Variants in LRRK2 observed in about 807,000 individuals in gnomAD.
The protein encoded by LRRK2 is leucine-rich repeat serine/threonine-protein kinase 2.
A neutral mutation model predicts 302.6 loss-of-function variants in LRRK2; 203 were observed. That is an observed-to-expected ratio of 0.67 (90% confidence interval 0.60 to 0.75). The LOEUF (loss-of-function observed/expected upper bound fraction) is 0.75, where lower values mean the gene tolerates loss of function less well. Among genes scored for constraint, LRRK2 ranks in the 30% least tolerant of loss-of-function variants. LRRK2 has a pLI of 0.00. For synonymous variants in LRRK2, 1,066 were observed against 1,031.9 expected, an observed-to-expected ratio of 1.03 and a Z score of -0.63; for missense variants, 2,830 against 2,951.0, an observed-to-expected ratio of 0.96 and a Z score of 0.95.
chr12:40,290,621 A>G (rs1944107699), intron 20 of LRRK2, among the ~76,000 whole-genome samples: 1 of 152,044 alleles, frequency 6.6e-6, no homozygotes, highest in Non-Finnish European at 1.5e-5. Flanking sequence ...AGTTTTAGTA[A>G]TGTGTAACTT....
At chr12:40,353,489 A>G (rs1300198176) in intron 44 of LRRK2, among the ~76,000 whole-genome samples, 2 of 120,082 alleles carry the variant, frequency 1.7e-5, no homozygotes, top group African/African-American at 3.0e-5. Flanking sequence ...GGCGCTCCTC[A>G]TTTCCCAGAC....
At position 40,295,444 on chromosome 12, in the gene LRRK2, T is replaced by A. The variant is rs1280692669; in HGVS notation, c.2896T>A (p.Ser966Thr). 1 of 1,613,056 alleles carries A rather than the reference T, an allele frequency of 6.2e-7. No homozygotes were observed. The highest frequency in any genetic ancestry group is 1.1e-5 in the South Asian group (1 of 91,082). Residue 966 changes from serine (S) to threonine (T), a missense_variant, in exon 23 of 51, where the codon TCC becomes ACC. Coordinates refer to ENST00000298910, the MANE Select transcript of LRRK2 (RefSeq NM_198578.4). ...DDSLRSSKLQ[S>T]HMRHSDSISS... ...GACAAAAGGGTCATCAAAACTTCAA[T>A]CCCATATGAGGCATTCAGACAGCAT...
intron 39 of LRRK2, among the ~76,000 whole-genome samples, 195 bp from the exon 40 acceptor site, chr12:40,334,772 G>T (rs1294061699): frequency 6.6e-6 from 1 of 152,178 alleles, no homozygotes; most frequent in South Asian, 2.1e-4. Context: ...TTGTCCATAG[G>T]TCAACTGTAG....
At chr12:40,354,554 C>A (rs1409324989) in intron 45 of LRRK2, 62 bp downstream of exon 45, 2 of 1,430,962 alleles carry the variant, frequency 1.4e-6, no homozygotes, top group Admixed American at 3.4e-5. Flanking sequence ...GAATTGTGTG[C>A]ATAATTGTTA....
Position 40,282,402 on chromosome 12 carries a change from C to T in LRRK2, c.2242-1473C>T, listed in dbSNP as rs573849695. 2.6e-5 allele frequency among the ~76,000 whole-genome samples: 4 copies of T among 152,168 alleles called. No homozygotes were observed. In the South Asian group the frequency reaches 8.3e-4, roughly 32 times the overall value. On this transcript the variant is annotated intron_variant, in intron 18 of 50. Coordinates refer to ENST00000298910, the MANE Select transcript of LRRK2 (RefSeq NM_198578.4). ...GGGTATGTATGTTTGCTCAGTGCTA[C>T]ATTAAATGAAATGGATGGGAGCCGG...
At position 40,264,016 on chromosome 12, in the gene LRRK2, G is replaced by C; in HGVS notation, c.1656+115G>C. ...TGTTCTCCGTTTGCTATGATAGGAG[G>C]AAGTCATGTGGTTAGAGACATAAGA... is the stretch of plus-strand genomic sequence containing the variant. On this transcript the variant is annotated intron_variant, in intron 14 of 50. Coordinates refer to ENST00000298910, the MANE Select transcript of LRRK2 (RefSeq NM_198578.4). The C allele has an allele frequency of 1.1e-5, 8 of 732,282 alleles. No individual in the cohort carries two copies. In the South Asian group the frequency reaches 1.3e-4, roughly 12 times the overall value. 45.4% of individuals were successfully genotyped at this position (732,282 alleles called of 1,614,324 possible).
chr12:40,227,392 ATTAAC>A (rs532826201), intron 2 of LRRK2, among the ~76,000 whole-genome samples: 73 of 152,190 alleles, frequency 4.8e-4, no homozygotes, highest in Non-Finnish European at 1.0e-3. Context: ...ACTATTAAAT[ATTAAC>A]TTAATTGCTT....
chr12:40,259,636 A>G, intron 13 of LRRK2, 32 bp downstream of exon 13: 1 of 1,611,612 alleles, frequency 6.2e-7, no homozygotes, highest in African/African-American at 1.3e-5. Context: ...GGGAAGAGAT[A>G]ACAATTTAAA....
Position 40,323,326 on chromosome 12 carries a change from T to C in LRRK2, c.5656+20T>C. Reference sequence around the variant, plus strand: ...TCCTAGGTAATTCTTTTTGTTAATTTGAGAATAAAAATTAGGATGTAATTT... The same window carrying C: ...TCCTAGGTAATTCTTTTTGTTAATTCGAGAATAAAAATTAGGATGTAATTT... On this transcript the variant is annotated intron_variant, in intron 38 of 50. Coordinates refer to ENST00000298910, the MANE Select transcript of LRRK2 (RefSeq NM_198578.4). 6.3e-7 allele frequency: 1 copy of C among 1,595,850 alleles called. No individual in the cohort carries two copies. The highest frequency in any genetic ancestry group is 1.7e-4 in the Middle Eastern group (1 of 6,010).
intron 39 of LRRK2, among the ~76,000 whole-genome samples, chr12:40,331,845 C>A (rs2136926620): frequency 6.6e-6 from 1 of 152,272 alleles, no homozygotes; most frequent in Middle Eastern, 3.4e-3. Context: ...TTGGTTTAAT[C>A]CAGTCACTCT....
At chr12:40,363,048 C>G (rs1043150837) in intron 47 of LRRK2, among the ~76,000 whole-genome samples, 2 of 151,886 alleles carry the variant, frequency 1.3e-5, no homozygotes, top group African/African-American at 4.8e-5. Flanking sequence ...CAAGAACATT[C>G]AAAAGTTACA....
Position 40,335,274 on chromosome 12 carries a change from T to A in LRRK2, c.5948+117T>A. The A allele has an allele frequency of 3.5e-6, 4 of 1,151,140 alleles. No individual in the cohort carries two copies. In the South Asian group the frequency reaches 5.2e-5, roughly 15 times the overall value. 71.3% of individuals were successfully genotyped at this position (1,151,140 alleles called of 1,614,324 possible). On this transcript the variant is annotated intron_variant, in intron 40 of 50. Coordinates refer to ENST00000298910, the MANE Select transcript of LRRK2 (RefSeq NM_198578.4). ...GCCCCAGTAACAATTTATAAACAAT[T>A]TGGATGAAAACTACCATTTCCCTGA... is the stretch of plus-strand genomic sequence containing the variant.
At chr12:40,260,826 T>A (rs1429848341) in intron 13 of LRRK2, among the ~76,000 whole-genome samples, 1 of 152,124 alleles carries the variant, frequency 6.6e-6, no homozygotes, top group African/African-American at 2.4e-5. Context: ...GAGATCTGTT[T>A]GATGTGACAT....
In LRRK2 at chr12:40,251,171, G is replaced by T. The variant is rs146396419; in HGVS notation, c.959-61G>T. On this transcript the variant is annotated intron_variant, in intron 8 of 50. Coordinates refer to ENST00000298910, the MANE Select transcript of LRRK2 (RefSeq NM_198578.4). ...ATTTCAAAATATGGACTTAGAGTTGGTCAAACTGTTAAGTAGATAATATAT... is the reference window on the plus strand; with the variant it reads ...ATTTCAAAATATGGACTTAGAGTTGTTCAAACTGTTAAGTAGATAATATAT... 9.5e-4 allele frequency: 1,105 copies of T among 1,164,380 alleles called. 14 individuals are homozygous for T. In the African/African-American group the frequency reaches 0.015, roughly 16 times the overall value. 72.1% of individuals were successfully genotyped at this position (1,164,380 alleles called of 1,614,324 possible).
intron 40 of LRRK2, among the ~76,000 whole-genome samples, chr12:40,336,891 A>T (rs926071529): frequency 3.3e-5 from 5 of 152,170 alleles, no homozygotes; most frequent in African/African-American, 1.2e-4. Flanking sequence ...CAAATCCCCA[A>T]AGTGTTTATT....
intron 47 of LRRK2, 25 bp downstream of exon 47, chr12:40,359,469 G>A: frequency 3.8e-6 from 6 of 1,594,142 alleles, no homozygotes; most frequent in Non-Finnish European, 3.4e-6. Context: ...ATCTGTACAA[G>A]TAATTTATCA....
chr12:40,278,539 A>C (rs1287456470), intron 18 of LRRK2, among the ~76,000 whole-genome samples: 3 of 152,220 alleles, frequency 2.0e-5, no homozygotes, highest in Non-Finnish European at 4.4e-5. Flanking sequence ...GCATCTCTAC[A>C]ACTTAGTCTC....
At position 40,317,511 on chromosome 12, in the gene LRRK2, C is replaced by T. The variant is rs943875381; in HGVS notation, c.4827+2211C>T. Among the ~76,000 whole-genome samples, 10 of 152,002 alleles carry T rather than the reference C, an allele frequency of 6.6e-5. 1 individual carries two copies. Among genetic ancestry groups the T allele is most frequent in the Middle Eastern group, 6.8e-3 (2 of 294 alleles). On this transcript the variant is annotated intron_variant, in intron 33 of 50. Transcript: ENST00000298910. Reference sequence around the variant, plus strand: ...ATGAGCCCACCCACTCTATGCGCCCCGAGCTGTTAGGTCACTAAACTTATT... The same window carrying T: ...ATGAGCCCACCCACTCTATGCGCCCTGAGCTGTTAGGTCACTAAACTTATT...
intron 48 of LRRK2, among the ~76,000 whole-genome samples, chr12:40,363,780 A>G (rs1946791075): frequency 6.6e-6 from 1 of 152,024 alleles, no homozygotes; most frequent in South Asian, 2.1e-4. Context: ...TCATGGTATT[A>G]CAAAGAATGT....
Sources: allele counts gnomAD v4.1 joint callset (sites outside exome capture counted in the v4.1 genomes callset), GRCh38; gene constraint gnomAD v4.1.1; transcripts MANE v1.5; gene names NCBI Gene and HGNC (gene_info 2026-07-23, HGNC 2026-07-21).